Variants in EFNA1 observed in about 807,000 individuals in gnomAD.
EFNA1 encodes the protein ephrin-A1.
Under a neutral mutation model 23.2 loss-of-function variants are expected in EFNA1, and 8 were observed. That is an observed-to-expected ratio of 0.34 (90% CI 0.20 to 0.62). EFNA1 has a LOEUF of 0.62. EFNA1 is among the 20% of genes least tolerant of loss of function. The pLI, the probability that EFNA1 is intolerant of heterozygous loss-of-function variation, is 0.75. For missense variants in EFNA1, 217 were observed against 260.0 expected (o/e 0.83, Z 1.14); for synonymous variants, 89 against 98.6 (o/e 0.90, Z 0.58).
intron 1 of EFNA1, 123 bp from the exon 2 acceptor site, chr1:155,131,216 C>G (rs557188950): frequency 7.1e-7 from 1 of 1,412,638 alleles, no homozygotes; most frequent in Non-Finnish European, 9.5e-7. Flanking sequence ...GGAGTTGAAA[C>G]TTCGGAAAAA....
intron 1 of EFNA1, chr1:155,129,977 C>T (rs1360779720): frequency 6.6e-6 from 1 of 152,428 alleles, no homozygotes; most frequent in East Asian, 1.9e-4. Context: ...AGACGCCAGG[C>T]CCAGAGCTGA....
At position 155,134,536 on chromosome 1, in the gene EFNA1, G is replaced by A. The variant is rs990253537; in HGVS notation, c.*469G>A. The A allele has an allele frequency of 8.9e-5, 18 of 201,326 alleles. No individual in the cohort carries two copies. The highest frequency in any genetic ancestry group is 1.4e-4 in the Non-Finnish European group (14 of 96,764). The allele number at this position is 201,326 out of a possible 1,614,324, so 12.5% of individuals were successfully genotyped here. ...CAGGTACAGGAGAGGCAGCATGCTTGGGCTGACCCAGCATCTCCCAGCAAG... is the reference window on the plus strand; with the variant it reads ...CAGGTACAGGAGAGGCAGCATGCTTAGGCTGACCCAGCATCTCCCAGCAAG... On this transcript the variant is annotated 3_prime_UTR_variant, in exon 5 of 5. Coordinates refer to ENST00000368407, the MANE Select transcript of EFNA1 (RefSeq NM_004428.3).
At chr1:155,132,552 G>A (rs1385922335) in intron 2 of EFNA1, among the ~76,000 whole-genome samples, 1 of 150,772 alleles carries the variant, frequency 6.6e-6, no homozygotes, top group Non-Finnish European at 1.5e-5. Context: ...ATGGCCTGAT[G>A]GATTTTAAAA....
At chr1:155,133,212 GAGT>G (rs1205625040) in intron 2 of EFNA1, among the ~76,000 whole-genome samples, 3 of 152,100 alleles carry the variant, frequency 2.0e-5, no homozygotes. Flanking sequence ...CCTGGCCTAG[GAGT>G]AGTATTAAGT....
At chr1:155,133,848 A>C (rs1020756271) in intron 4 of EFNA1, 68 bp downstream of exon 4, 3 of 1,607,694 alleles carry the variant, frequency 1.9e-6, no homozygotes, top group Non-Finnish European at 2.6e-6. Flanking sequence ...TGGGTACAGG[A>C]GGTGGCTCCT....
chr1:155,130,073 G>C (rs1664198004), intron 1 of EFNA1, among the ~76,000 whole-genome samples: 1 of 152,222 alleles, frequency 6.6e-6, no homozygotes, highest in Admixed American at 6.5e-5. Context: ...TTTCCCCAGG[G>C]TGGGGGAGGG....
intron 1 of EFNA1, among the ~76,000 whole-genome samples, chr1:155,128,331 A>G (rs1238705679): frequency 6.6e-6 from 1 of 151,938 alleles, no homozygotes; most frequent in Non-Finnish European, 1.5e-5. Flanking sequence ...TGAGGGACTC[A>G]TGCTGGGCAG....
At chr1:155,128,989 G>A (rs369935240) in intron 1 of EFNA1, among the ~76,000 whole-genome samples, 2 of 152,254 alleles carry the variant, frequency 1.3e-5, no homozygotes, top group East Asian at 1.9e-4. Flanking sequence ...AGCCACTCTC[G>A]GCCCTAGCAA....
At chr1:155,132,214 C>G (rs1218528486) in intron 2 of EFNA1, among the ~76,000 whole-genome samples, 1 of 152,092 alleles carries the variant, frequency 6.6e-6, no homozygotes, top group Non-Finnish European at 1.5e-5. Flanking sequence ...CCTGAGGGCT[C>G]TCGCCACTGA....
At chr1:155,130,412 G>C (rs1049946854) in intron 1 of EFNA1, 2 of 737,546 alleles carry the variant, frequency 2.7e-6, no homozygotes, top group Non-Finnish European at 1.7e-6. Context: ...GGCTGGAGCC[G>C]GTGGGGCCAG....
At position 155,131,676 on chromosome 1, in the gene EFNA1, C is replaced by G. The variant is rs765910710; in HGVS notation, c.388+42C>G. On this transcript the variant is annotated intron_variant, in intron 2 of 4. Transcript: ENST00000368407. Reference sequence around the variant, plus strand: ...GGACAGTGTCTGTGTTTCTTTTTTGCCATTACATACATGCTTGGGTACATG... The same window carrying G: ...GGACAGTGTCTGTGTTTCTTTTTTGGCATTACATACATGCTTGGGTACATG... 6 of 1,584,194 alleles carry G rather than the reference C, an allele frequency of 3.8e-6. No individual in the cohort carries two copies. In the South Asian group the frequency reaches 6.9e-5, roughly 18 times the overall value.
In EFNA1 at chr1:155,134,399, G is replaced by T; in HGVS notation, c.*332G>T. 1 of 351,342 alleles carries T rather than the reference G, an allele frequency of 2.8e-6. No individual in the cohort carries two copies. Among genetic ancestry groups the T allele is most frequent in the East Asian group, 6.6e-5 (1 of 15,210 alleles). 21.8% of individuals were successfully genotyped at this position (351,342 alleles called of 1,614,324 possible). ...AGGCACAGTGGGAGCTGAGCTGGAAGGGGCCACGTGGATGGGCAAAGCTTG... is the reference window on the plus strand; with the variant it reads ...AGGCACAGTGGGAGCTGAGCTGGAATGGGCCACGTGGATGGGCAAAGCTTG... On this transcript the variant is annotated 3_prime_UTR_variant, in exon 5 of 5. Coordinates refer to ENST00000368407, the MANE Select transcript of EFNA1 (RefSeq NM_004428.3).
In EFNA1 at chr1:155,131,653, A is replaced by T. The variant is rs1664242261; in HGVS notation, c.388+19A>T. 6.2e-7 allele frequency: 1 copy of T among 1,601,146 alleles called. No individual in the cohort carries two copies. The highest frequency in any genetic ancestry group is 1.3e-5 in the African/African-American group (1 of 74,698). On this transcript the variant is annotated intron_variant, in intron 2 of 4. Coordinates refer to ENST00000368407, the MANE Select transcript of EFNA1 (RefSeq NM_004428.3). The stretch of plus-strand genomic sequence containing the variant: ...TACATCTGTGAGTGCCTGTGAGGGG[A>T]CAGTGTCTGTGTTTCTTTTTTGCCA...
intron 2 of EFNA1, among the ~76,000 whole-genome samples, chr1:155,132,700 C>G (rs904865180): frequency 6.6e-6 from 1 of 151,530 alleles, no homozygotes; most frequent in East Asian, 2.0e-4. Flanking sequence ...TGTGGTGGCG[C>G]ACTTCTGTAG....
intron 2 of EFNA1, among the ~76,000 whole-genome samples, chr1:155,132,454 G>GATT: frequency 6.6e-6 from 1 of 151,800 alleles, no homozygotes; most frequent in South Asian, 2.1e-4. Context: ...CACCATGTTG[G>GATT]TCAGACTGGT....
chr1:155,132,698 C>T (rs1389299474), intron 2 of EFNA1, among the ~76,000 whole-genome samples: 5 of 151,518 alleles, frequency 3.3e-5, no homozygotes, highest in African/African-American at 4.8e-5. Flanking sequence ...AGTGTGGTGG[C>T]GCACTTCTGT....
At chr1:155,130,084 G>T (rs1161742428) in intron 1 of EFNA1, among the ~76,000 whole-genome samples, 1 of 152,198 alleles carries the variant, frequency 6.6e-6, no homozygotes, top group Admixed American at 6.5e-5. Flanking sequence ...TGGGGGAGGG[G>T]CCTGGTAAGC....
In EFNA1 at chr1:155,128,087, C is replaced by A; in HGVS notation, c.92+18C>A. The A allele has an allele frequency of 6.2e-7, 1 of 1,610,254 alleles. No individual in the cohort carries two copies. The highest frequency in any genetic ancestry group is 8.5e-7 in the Non-Finnish European group (1 of 1,177,444). ...AATCCCAAGTAAGCCTCGAGACTCC[C>A]GCTGGCAGCCTGGGCTCCCGGCTGG... On this transcript the variant is annotated intron_variant, in intron 1 of 4. Coordinates refer to ENST00000368407, the MANE Select transcript of EFNA1 (RefSeq NM_004428.3).
At chr1:155,130,526 G>A (rs372943329) in intron 1 of EFNA1, 1 of 984,884 alleles carries the variant, frequency 1.0e-6, no homozygotes, top group Non-Finnish European at 1.2e-6. Flanking sequence ...GAGGGGAGAG[G>A]CTGTCTCAAG....
Sources: gnomAD v4.1 joint callset for allele counts (sites outside exome capture counted in the v4.1 genomes callset) on GRCh38, gnomAD v4.1.1 for gene constraint, MANE v1.5 for transcripts, NCBI Gene and HGNC (gene_info 2026-07-23, HGNC 2026-07-21) for gene names.